PKIG: variants seen among roughly 807,000 people sequenced by gnomAD.
PKIG encodes cAMP-dependent protein kinase inhibitor gamma, also known as protein kinase (cAMP-dependent, catalytic) inhibitor gamma.
Under a neutral mutation model 6.8 loss-of-function variants are expected in PKIG, and 1 was observed. That is an observed-to-expected ratio of 0.15 (90% CI 0.05 to 0.69). PKIG has a LOEUF of 0.69. PKIG is among the 30% of genes least tolerant of loss of function. The probability of loss-of-function intolerance (pLI) is 0.82; values close to 1 mark genes in which losing one functional copy is unlikely to be tolerated. For missense variants in PKIG, 77 were observed against 104.0 expected (o/e 0.74, Z 1.13); for synonymous variants, 39 against 43.0 (o/e 0.91, Z 0.36).
chr20:44,587,877 C>G (rs908080305), intron 1 of PKIG, among the ~76,000 whole-genome samples: 1 of 152,186 alleles, frequency 6.6e-6, no homozygotes, highest in Non-Finnish European at 1.5e-5. Context: ...TTGGTTAGAG[C>G]CTGCGGCCAT....
intron 1 of PKIG, among the ~76,000 whole-genome samples, chr20:44,532,666 A>C (rs1426786268): frequency 1.3e-5 from 2 of 152,212 alleles, no homozygotes; most frequent in Admixed American, 6.5e-5. Flanking sequence ...CACAGAGAAA[A>C]CAGTTAACCT....
chr20:44,580,773 G>C (rs900709126), upstream of PKIG, among the ~76,000 whole-genome samples: 1 of 152,128 alleles, frequency 6.6e-6, no homozygotes, highest in African/African-American at 2.4e-5. Flanking sequence ...ATAAGCATCT[G>C]TGTTTTCTGA....
At chr20:44,552,512 G>T (rs1302463433) in intron 1 of PKIG, among the ~76,000 whole-genome samples, 1 of 152,080 alleles carries the variant, frequency 6.6e-6, no homozygotes, top group Non-Finnish European at 1.5e-5. Context: ...CTGATGCATT[G>T]CCTTGCTCAG....
chr20:44,595,169 G>A (rs2065064835), intron 2 of PKIG, among the ~76,000 whole-genome samples: 1 of 152,190 alleles, frequency 6.6e-6, no homozygotes, highest in Admixed American at 6.5e-5. Flanking sequence ...TTTTAGCCAG[G>A]GGCTTATGGG....
intron 1 of PKIG, among the ~76,000 whole-genome samples, chr20:44,588,241 A>G (rs1243438313): frequency 6.6e-6 from 1 of 152,246 alleles, no homozygotes; most frequent in Non-Finnish European, 1.5e-5. Context: ...CATGGCCTTT[A>G]CCTGCATGAA....
At chr20:44,544,819 G>A (rs771436269) in intron 1 of PKIG, among the ~76,000 whole-genome samples, 1 of 152,032 alleles carries the variant, frequency 6.6e-6, no homozygotes, top group African/African-American at 2.4e-5. Flanking sequence ...CACAGGAGGC[G>A]GCCAACAATG....
At chr20:44,550,929 C>T (rs1342342790) in intron 1 of PKIG, among the ~76,000 whole-genome samples, 3 of 152,188 alleles carry the variant, frequency 2.0e-5, no homozygotes, top group African/African-American at 7.2e-5. Flanking sequence ...GTATCAAAAA[C>T]CTAGCCCAAA....
At position 44,544,925 on chromosome 20, in the gene PKIG, CTTTTTTTT is replaced by C. The variant is rs796482642; in HGVS notation, c.-241+12968_-241+12975del. ...TCTTTCTTTCTTTCCTTCCTTCTTT[CTTTTTTTT>C]TTTTTTTTTTTTTTTTTTTTGAGAT... On this transcript the variant is annotated intron_variant, in intron 1 of 4. Transcript: ENST00000372887. 1.7e-3 allele frequency among the ~76,000 whole-genome samples: 110 copies of C among 64,384 alleles called. No individual in the cohort carries two copies. In the East Asian group the frequency reaches 0.033, roughly 19 times the overall value. 42.2% of individuals were successfully genotyped at this position (64,384 alleles called of 152,430 possible).
chr20:44,546,848 C>G (rs570474231), intron 1 of PKIG, among the ~76,000 whole-genome samples: 148 of 152,248 alleles, frequency 9.7e-4, no homozygotes, highest in African/African-American at 3.5e-3. Context: ...GCCACTGCAC[C>G]CAGGCCCCTC....
intron 3 of PKIG, among the ~76,000 whole-genome samples, chr20:44,615,995 G>C (rs914713268): frequency 7.9e-5 from 12 of 152,094 alleles, no homozygotes; most frequent in East Asian, 1.9e-4. Flanking sequence ...CCTCTGTCAC[G>C]TGGCCCAGGC....
chr20:44,611,766 G>A (rs1190480795), intron 2 of PKIG, among the ~76,000 whole-genome samples: 1 of 151,858 alleles, frequency 6.6e-6, no homozygotes, highest in Non-Finnish European at 1.5e-5. Flanking sequence ...TGATCCACCC[G>A]CCTCGGCCTC....
chr20:44,556,832 C>T (rs936393900), intron 1 of PKIG, among the ~76,000 whole-genome samples: 3 of 151,882 alleles, frequency 2.0e-5, no homozygotes, highest in African/African-American at 4.8e-5. Flanking sequence ...GTTTAAGTCT[C>T]CTTCATAAGA....
chr20:44,592,228 A>G (rs994174578), intron 2 of PKIG, among the ~76,000 whole-genome samples: 1 of 152,162 alleles, frequency 6.6e-6, no homozygotes. Flanking sequence ...TAGTGACACA[A>G]TTGGGAAGAA....
chr20:44,536,740 C>T (rs967595665), intron 1 of PKIG, among the ~76,000 whole-genome samples: 7 of 152,232 alleles, frequency 4.6e-5, no homozygotes, highest in African/African-American at 1.4e-4. Flanking sequence ...GACACTGGCT[C>T]TTTCCAACCA....
intron 2 of PKIG, among the ~76,000 whole-genome samples, chr20:44,602,914 A>T (rs1050548795): frequency 2.6e-5 from 4 of 152,116 alleles, no homozygotes; most frequent in African/African-American, 9.7e-5. Context: ...TGGGAAAGGA[A>T]GCTGAGAGAG....
At chr20:44,535,530 A>G (rs1259626426) in intron 1 of PKIG, among the ~76,000 whole-genome samples, 2 of 152,308 alleles carry the variant, frequency 1.3e-5, no homozygotes, top group Middle Eastern at 3.4e-3. Context: ...AGTCCCAGCT[A>G]CTTGGGAAAC....
intron 1 of PKIG, among the ~76,000 whole-genome samples, chr20:44,547,580 G>A (rs1427481275): frequency 6.6e-6 from 1 of 152,182 alleles, no homozygotes; most frequent in Non-Finnish European, 1.5e-5. Context: ...CACATGGTGA[G>A]TACAGCCTAA....
intron 1 of PKIG, among the ~76,000 whole-genome samples, chr20:44,543,657 G>T (rs1278709639): frequency 6.6e-6 from 1 of 152,088 alleles, no homozygotes; most frequent in Non-Finnish European, 1.5e-5. Context: ...TTTCTTGGTT[G>T]TGCCCTCCCT....
chr20:44,600,826 G>A (rs1014183664), intron 2 of PKIG, among the ~76,000 whole-genome samples: 4 of 152,106 alleles, frequency 2.6e-5, no homozygotes, highest in South Asian at 2.1e-4. Flanking sequence ...TGGGAAGGCC[G>A]TGGCGAGCAG....
Sources: gnomAD v4.1 joint callset for allele counts (sites outside exome capture counted in the v4.1 genomes callset) on GRCh38, gnomAD v4.1.1 for gene constraint, MANE v1.5 for transcripts, NCBI Gene and HGNC (gene_info 2026-07-23, HGNC 2026-07-21) for gene names.